The following NOS1AP variants were observed in gnomAD, a reference collection of about 807,000 sequenced individuals.
NOS1AP encodes the protein carboxyl-terminal PDZ ligand of neuronal nitric oxide synthase protein.
Under a neutral mutation model 56.2 loss-of-function variants are expected in NOS1AP, and 21 were observed. The ratio of observed to expected loss-of-function variants is 0.37; its 90% CI spans 0.26 to 0.54. The LOEUF (loss-of-function observed/expected upper bound fraction) is 0.54. NOS1AP is among the 20% of genes least tolerant of loss of function. The pLI, the probability that NOS1AP is intolerant of heterozygous loss-of-function variation, is 0.84. For missense variants in NOS1AP, 522 were observed against 657.8 expected (o/e 0.79, Z 2.26); for synonymous variants, 270 against 274.6 (o/e 0.98, Z 0.17).
chr1:162,336,623 C>T (rs1032476733), intron 5 of NOS1AP, among the ~76,000 whole-genome samples: 3 of 152,122 alleles, frequency 2.0e-5, no homozygotes, highest in Non-Finnish European at 2.9e-5. Context: ...AGTAAATCAC[C>T]CTTGGTCACA....
intron 2 of NOS1AP, among the ~76,000 whole-genome samples, chr1:162,285,302 TG>T (rs548927080): frequency 1.3e-3 from 204 of 152,326 alleles, no homozygotes; most frequent in Non-Finnish European, 2.3e-3. Context: ...CCCAAGTGAC[TG>T]GAGGTAAATG....
At chr1:162,326,078 GT>G (rs1656582078) in intron 4 of NOS1AP, among the ~76,000 whole-genome samples, 1 of 152,196 alleles carries the variant, frequency 6.6e-6, no homozygotes, top group African/African-American at 2.4e-5. Context: ...CCTGAAAGAT[GT>G]TTTTATTATT....
chr1:162,360,919 G>A, intron 8 of NOS1AP: 1 of 456,712 alleles, frequency 2.2e-6, no homozygotes, highest in South Asian at 1.5e-5. Flanking sequence ...AGGAGCTGGA[G>A]TCCAGGCAAG....
rs201621649 is a variant in NOS1AP, at chr1:162,291,491, GA to G, written c.270+4066del. On this transcript the variant is annotated intron_variant, in intron 3 of 9. Coordinates refer to ENST00000361897, the MANE Select transcript of NOS1AP (RefSeq NM_014697.3). ...TCCTGTCAATCTGCCAGTTTAAAAG[GA>G]AAAAAAAAAAGGATGAGATCCTTTC... Among the ~76,000 whole-genome samples the G allele has an allele frequency of 1.5e-3, 211 of 141,406 alleles. 1 individual carries two copies. In the East Asian group the frequency reaches 0.018, roughly 12 times the overall value. The allele number at this position is 141,406 out of a possible 152,430, so 92.8% of individuals were successfully genotyped here.
At chr1:162,226,329 G>A (rs1652940223) in intron 2 of NOS1AP, among the ~76,000 whole-genome samples, 1 of 152,146 alleles carries the variant, frequency 6.6e-6, no homozygotes, top group Non-Finnish European at 1.5e-5. Context: ...TATGGTGCTA[G>A]GCCCTGGGGA....
chr1:162,313,847 C>T (rs1206155165), intron 4 of NOS1AP, among the ~76,000 whole-genome samples: 1 of 152,174 alleles, frequency 6.6e-6, no homozygotes, highest in Non-Finnish European at 1.5e-5. Context: ...TTTGTCCTTT[C>T]TGAGGGCTTT....
At chr1:162,206,272 G>A (rs1034667928) in intron 2 of NOS1AP, among the ~76,000 whole-genome samples, 18 of 151,796 alleles carry the variant, frequency 1.2e-4, no homozygotes, top group Non-Finnish European at 2.5e-4. Flanking sequence ...AAAAAAAGTA[G>A]CAAAGTTTTT....
chr1:162,297,091 G>A (rs1339663843), intron 3 of NOS1AP, among the ~76,000 whole-genome samples: 1 of 152,194 alleles, frequency 6.6e-6, no homozygotes, highest in African/African-American at 2.4e-5. Context: ...GGGCAGATTA[G>A]CACAGTTGGC....
chr1:162,197,151 AT>A (rs1170929801), intron 2 of NOS1AP, among the ~76,000 whole-genome samples: 1 of 152,188 alleles, frequency 6.6e-6, no homozygotes, highest in Non-Finnish European at 1.5e-5. Flanking sequence ...TGCTAATGGC[AT>A]TGTCTTGGGT....
In NOS1AP at chr1:162,222,969, C is replaced by T. The variant is rs147436166; in HGVS notation, c.178-64375C>T. ...TCACACTATTCTTTTACCATTTTGT[C>T]ATTGGAGAGCCATGAATAAACCCAC... On this transcript the variant is annotated intron_variant, in intron 2 of 9. Transcript: ENST00000361897. 3.3e-3 allele frequency among the ~76,000 whole-genome samples: 509 copies of T among 152,286 alleles called. 3 individuals carry two copies. The highest frequency in any genetic ancestry group is 0.012 in the African/African-American group (481 of 41,570).
chr1:162,215,298 C>T (rs974725662), intron 2 of NOS1AP, among the ~76,000 whole-genome samples: 1 of 152,230 alleles, frequency 6.6e-6, no homozygotes, highest in African/African-American at 2.4e-5. Flanking sequence ...AGCCACAGCA[C>T]TCGACTGCGG....
chr1:162,355,861 A>T (rs1201370600), intron 7 of NOS1AP, among the ~76,000 whole-genome samples: 1 of 152,090 alleles, frequency 6.6e-6, no homozygotes, highest in Non-Finnish European at 1.5e-5. Flanking sequence ...ATCAGCTCTA[A>T]CCTAACATCA....
intron 2 of NOS1AP, among the ~76,000 whole-genome samples, chr1:162,177,782 C>T (rs1349786570): frequency 1.3e-5 from 2 of 152,096 alleles, no homozygotes; most frequent in Admixed American, 1.3e-4. Flanking sequence ...CAATGTCCCC[C>T]ACTTTAAACA....
At chr1:162,108,297 C>T (rs981991656) in intron 1 of NOS1AP, among the ~76,000 whole-genome samples, 33 of 152,086 alleles carry the variant, frequency 2.2e-4, no homozygotes, top group African/African-American at 7.7e-4. Flanking sequence ...CAGGAACCAA[C>T]GTGAAGAGGT....
At chr1:162,312,971 G>A (rs1217602617) in intron 4 of NOS1AP, among the ~76,000 whole-genome samples, 2 of 151,600 alleles carry the variant, frequency 1.3e-5, no homozygotes, top group South Asian at 2.1e-4. Context: ...GGTATTGATG[G>A]GACGTATTTC....
chr1:162,333,233 G>C, intron 5 of NOS1AP, 108 bp downstream of exon 5: 1 of 749,846 alleles, frequency 1.3e-6, no homozygotes, highest in Non-Finnish European at 2.4e-6. Context: ...TGCCGACATG[G>C]GGCAACTATC....
chr1:162,297,924 T>C (rs72718110), intron 3 of NOS1AP, among the ~76,000 whole-genome samples: 12 of 152,244 alleles, frequency 7.9e-5, no homozygotes, highest in Non-Finnish European at 1.5e-4. Flanking sequence ...CTGGGTTTCT[T>C]TTCACCTCAT....
At chr1:162,163,123 A>C (rs943475185) in intron 2 of NOS1AP, among the ~76,000 whole-genome samples, 9 of 152,224 alleles carry the variant, frequency 5.9e-5, no homozygotes, top group African/African-American at 1.9e-4. Context: ...ATATTGGGAC[A>C]TGTATCAGTA....
intron 1 of NOS1AP, among the ~76,000 whole-genome samples, chr1:162,130,237 A>T (rs896372302): frequency 6.6e-6 from 1 of 152,256 alleles, no homozygotes; most frequent in Non-Finnish European, 1.5e-5. Flanking sequence ...CAGATGAGAA[A>T]ACAAAGGCAC....
Sources: allele counts gnomAD v4.1 joint callset (sites outside exome capture counted in the v4.1 genomes callset), GRCh38; gene constraint gnomAD v4.1.1; transcripts MANE v1.5; gene names NCBI Gene and HGNC (gene_info 2026-07-23, HGNC 2026-07-21).